ZC3H18: variants seen among roughly 807,000 people sequenced by gnomAD.
ZC3H18 encodes zinc finger CCCH domain-containing protein 18.
ZC3H18 carries 8 observed loss-of-function variants against 106.1 expected under a neutral mutation model. The observed-to-expected ratio is 0.08, with a 90% confidence interval of 0.04 to 0.14. The LOEUF is 0.14. Ranked by LOEUF, ZC3H18 falls within the 10% of genes least tolerant of loss-of-function variation. ZC3H18 has a pLI of 1.00. For missense variants in ZC3H18, 1,318 were observed against 1,278.4 expected, an observed-to-expected ratio of 1.03 and a Z score of -0.47; for synonymous variants, 635 against 522.1, an observed-to-expected ratio of 1.22 and a Z score of -2.95.
intron 6 of ZC3H18, 40 bp from the exon 7 acceptor site, chr16:88,608,894 T>C: frequency 1.3e-6 from 2 of 1,533,166 alleles, no homozygotes; most frequent in Non-Finnish European, 1.8e-6. Context: ...ACGCCAGTGC[T>C]CCTAAGTGAT....
chr16:88,576,187 C>T (rs1443155766), intron 1 of ZC3H18, among the ~76,000 whole-genome samples: 1 of 151,416 alleles, frequency 6.6e-6, no homozygotes, highest in Non-Finnish European at 1.5e-5. Context: ...AGGTGTGAGC[C>T]ACCGCGCCTG....
chr16:88,583,762 A>G (rs936599269), intron 2 of ZC3H18, among the ~76,000 whole-genome samples: 1 of 152,192 alleles, frequency 6.6e-6, no homozygotes, highest in African/African-American at 2.4e-5. Context: ...GTCCACGTCA[A>G]CTTGGCCTGT....
intron 2 of ZC3H18, among the ~76,000 whole-genome samples, chr16:88,585,528 G>C (rs998908348): frequency 6.6e-6 from 1 of 152,236 alleles, no homozygotes; most frequent in African/African-American, 2.4e-5. Flanking sequence ...ACACCTGCAG[G>C]GCTTGGGGCT....
Position 88,627,986 on chromosome 16 carries a change from C to T in ZC3H18, c.2336C>T (p.Pro779Leu), listed in dbSNP as rs1419736317. Residue 779 changes from proline to leucine, a missense_variant, in exon 15 of 18, where the codon CCC becomes CTC. By Grantham distance (98) the Pro-to-Leu change is moderately conservative. Coordinates refer to ENST00000301011, the MANE Select transcript of ZC3H18 (RefSeq NM_144604.4). This position sits in a 1 kb window ranked among gnomAD's most constrained non-coding sequence, Gnocchi z 4.5. ...AAAAGGGATTCGTCCACACAACCAC[C>T]CAAATCTGCAAAACCTCCAGCAGGG... is the stretch of plus-strand genomic sequence containing the variant. ...KRKRDSSTQPPKSAKPPAGGK... is the reference protein window; with the variant it reads ...KRKRDSSTQPLKSAKPPAGGK... 1.2e-6 allele frequency: 2 copies of T among 1,614,154 alleles called. No homozygotes were observed. The highest frequency in any genetic ancestry group is 1.7e-6 in the Non-Finnish European group (2 of 1,180,048).
chr16:88,623,271 T>A lies in ZC3H18; in HGVS notation c.1720T>A (p.Ser574Thr). 6.2e-7 allele frequency: 1 copy of A among 1,613,718 alleles called. No individual in the cohort carries two copies. Among genetic ancestry groups the A allele is most frequent in the Non-Finnish European group, 8.5e-7 (1 of 1,179,974 alleles). ...YSGSGSSRSRSRSSSYSSYSS... is the reference protein window; with the variant it reads ...YSGSGSSRSRTRSSSYSSYSS... ...TGGCTCCGGCTCCTCCCGGTCGCGA[T>A]CCCGGTCTTCATCCTACAGCTCCTA... Residue 574 changes from serine (S) to threonine (T), a missense_variant, in exon 10 of 18, where the codon TCC (serine) becomes ACC (threonine). Ser to Thr is a moderately conservative substitution (Grantham distance 58). Around this residue, in one of 6 missense-constraint regions of ZC3H18, gnomAD observed 848 missense variants for 821.7 expected, o/e 1.03. Transcript: ENST00000301011.
intron 5 of ZC3H18, 65 bp from the exon 6 acceptor site, chr16:88,599,726 G>T: frequency 6.5e-7 from 1 of 1,549,538 alleles, no homozygotes; most frequent in Non-Finnish European, 8.7e-7. Context: ...GGCTCCCTTT[G>T]TGTTTCCTAA....
At chr16:88,572,468 T>C (rs547650092) in intron 1 of ZC3H18, among the ~76,000 whole-genome samples, 4 of 152,052 alleles carry the variant, frequency 2.6e-5, no homozygotes, top group African/African-American at 9.6e-5. Context: ...TTGTCATGTA[T>C]TCAACAAATA....
At chr16:88,626,831 G>C (rs1350306597) in intron 13 of ZC3H18, 1 of 152,240 alleles carries the variant, frequency 6.6e-6, no homozygotes, top group Non-Finnish European at 1.5e-5. Flanking sequence ...TGTGTGCTTT[G>C]TGTCCGTGTT....
intron 6 of ZC3H18, among the ~76,000 whole-genome samples, chr16:88,602,095 C>A (rs1370480127): frequency 6.6e-6 from 1 of 152,188 alleles, no homozygotes; most frequent in Non-Finnish European, 1.5e-5. Flanking sequence ...TGTCCTGGTG[C>A]GTGCTGTTGG....
intron 3 of ZC3H18, among the ~76,000 whole-genome samples, chr16:88,591,730 C>T (rs987377454): frequency 6.6e-6 from 1 of 152,282 alleles, no homozygotes; most frequent in Non-Finnish European, 1.5e-5. Context: ...TCAGACCCTG[C>T]TTTCAGCTCT....
rs772019482 is a variant in ZC3H18, at chr16:88,627,667, G to A, written c.2154G>A (p.Ser718=). 72 of 1,612,746 alleles carry A rather than the reference G, an allele frequency of 4.5e-5. No homozygotes were observed. In the South Asian group the frequency reaches 4.7e-4, roughly 11 times the overall value. The change falls in exon 14 of 18, where the codon TCG becomes TCA. Residue 718 remains serine, a synonymous_variant. Transcript: ENST00000301011. The surrounding 1 kb of genome is among the most constrained non-coding windows in gnomAD (Gnocchi z 4.5). ...SSVSSVSSAT[S]SSSSAHSVDS... ...TCTCCTCAGTGTCCAGTGCTACGTC[G>A]AGCAGCAGCTCTGCACACAGCGTGG...
intron 8 of ZC3H18, among the ~76,000 whole-genome samples, chr16:88,613,877 C>T (rs1905411949): frequency 6.6e-6 from 1 of 152,134 alleles, no homozygotes; most frequent in Non-Finnish European, 1.5e-5. Flanking sequence ...ATAGTTTTAG[C>T]TCTTACACAT....
Position 88,627,846 on chromosome 16 carries a change from G to T in ZC3H18, c.2269+64G>T. The stretch of plus-strand genomic sequence containing the variant: ...GGGGGAGGAGGGCGGCATCAGCACA[G>T]ACTTTGCCTGGCTGTTGGTGTGGCC... On this transcript the variant is annotated intron_variant, in intron 14 of 17. Coordinates refer to ENST00000301011, the MANE Select transcript of ZC3H18 (RefSeq NM_144604.4). The surrounding 1 kb of genome is among the most constrained non-coding windows in gnomAD (Gnocchi z 4.5). The T allele has an allele frequency of 6.2e-7, 1 of 1,612,554 alleles. No homozygotes were observed. The highest frequency in any genetic ancestry group is 1.1e-5 in the South Asian group (1 of 91,054).
At chr16:88,616,605 C>T (rs1905623789) in intron 8 of ZC3H18, among the ~76,000 whole-genome samples, 1 of 152,212 alleles carries the variant, frequency 6.6e-6, no homozygotes, top group Non-Finnish European at 1.5e-5. Context: ...CCCTTATCAG[C>T]CAGAACTGGC....
intron 3 of ZC3H18, among the ~76,000 whole-genome samples, chr16:88,590,870 G>A (rs1048850109): frequency 1.3e-5 from 2 of 151,472 alleles, no homozygotes; most frequent in African/African-American, 4.9e-5. Context: ...CCTACTTTGG[G>A]CTTCTGATTT....
At chr16:88,612,599 C>T (rs958437002) in intron 8 of ZC3H18, among the ~76,000 whole-genome samples, 10 of 150,948 alleles carry the variant, frequency 6.6e-5, no homozygotes, top group Admixed American at 6.6e-5. Flanking sequence ...ATTACAGGAT[C>T]GCCCAGGTGT....
chr16:88,613,558 C>T (rs929395533), intron 8 of ZC3H18, among the ~76,000 whole-genome samples: 3 of 152,174 alleles, frequency 2.0e-5, no homozygotes, highest in African/African-American at 7.2e-5. Flanking sequence ...TGACGTCTCC[C>T]TGCCGTTGCG....
At position 88,630,536 on chromosome 16, in the gene ZC3H18, G is replaced by A. The variant is rs200061680; in HGVS notation, c.2618G>A (p.Arg873Gln). The change falls in exon 17 of 18, where the codon CGG (arginine) becomes CAG (glutamine). Residue 873 changes from arginine (R) to glutamine (Q), a missense_variant. This residue lies in a region of ZC3H18 where 848 missense variants were observed against 821.7 expected (regional missense o/e 1.03). Transcript: ENST00000301011. ...GGRLGSPKPE[R>Q]QRGQNSKAPA... ...AGACTGGGCTCCCCGAAGCCAGAGCGGCAGAGAGGCCAGAACTCCAAAGCC... is the reference window on the plus strand; with the variant it reads ...AGACTGGGCTCCCCGAAGCCAGAGCAGCAGAGAGGCCAGAACTCCAAAGCC... 64 of 1,612,764 alleles carry A rather than the reference G, an allele frequency of 4.0e-5. No individual in the cohort carries two copies. The highest frequency in any genetic ancestry group is 3.3e-4 in the Middle Eastern group (2 of 6,058).
intron 6 of ZC3H18, among the ~76,000 whole-genome samples, chr16:88,600,431 G>A (rs937539461): frequency 3.3e-5 from 5 of 151,862 alleles, no homozygotes; most frequent in Non-Finnish European, 4.4e-5. Context: ...TTTTTTTCCC[G>A]AGGCAGAGTC....
Sources: allele counts gnomAD v4.1 joint callset (sites outside exome capture counted in the v4.1 genomes callset), GRCh38; gene constraint gnomAD v4.1.1; regional missense constraint gnomAD v4.1.1; non-coding constraint Gnocchi (gnomAD v3.1); transcripts MANE v1.5; gene names NCBI Gene and HGNC (gene_info 2026-07-23, HGNC 2026-07-21).